Variants in KLHL14 observed in about 807,000 individuals in gnomAD.
KLHL14 encodes the protein kelch like family member 14, also known as kelch-like protein 14.
A neutral mutation model predicts 64.3 loss-of-function variants in KLHL14; 22 were observed. The observed-to-expected ratio is 0.34, with a 90% CI of 0.24 to 0.49. KLHL14 has a LOEUF of 0.49. Ranked by LOEUF, KLHL14 falls within the 20% of genes least tolerant of loss-of-function variation. KLHL14 has a pLI of 0.99. For missense variants in KLHL14, 661 were observed against 789.0 expected (o/e 0.84, Z 1.94); for synonymous variants, 322 against 333.4 (o/e 0.97, Z 0.37).
intron 7 of KLHL14, among the ~76,000 whole-genome samples, chr18:32,678,051 G>GTTT (rs1294190143): frequency 6.6e-6 from 1 of 152,132 alleles, no homozygotes; most frequent in Non-Finnish European, 1.5e-5. Context: ...AAGAATCAAG[G>GTTT]TTTAGAGTAG....
In KLHL14 at chr18:32,769,951, A is replaced by G; in HGVS notation, c.641T>C (p.Leu214Pro). The change falls in exon 2 of 9, where the codon CTG (leucine) becomes CCG (proline). Residue 214 changes from leucine (L) to proline (P), a missense_variant. Around this residue, in one of 2 missense-constraint regions of KLHL14, gnomAD observed 331 missense variants for 339.0 expected, o/e 0.98. Coordinates refer to ENST00000359358, the MANE Select transcript of KLHL14 (RefSeq NM_020805.3). ...LANKYLVEDV[L>P]LLNFEEMRAL... ...GCGCATCTCCTCGAAGTTGAGCAGC[A>G]GCACATCCTCCACCAGGTACTTGTT... is the stretch of plus-strand genomic sequence containing the variant. 6.2e-7 allele frequency: 1 copy of G among 1,614,210 alleles called. No individual in the cohort carries two copies. Among genetic ancestry groups the G allele is most frequent in the Non-Finnish European group, 8.5e-7 (1 of 1,180,042 alleles).
At chr18:32,741,188 C>T (rs763349895) in intron 3 of KLHL14, among the ~76,000 whole-genome samples, 13 of 152,128 alleles carry the variant, frequency 8.5e-5, no homozygotes, top group African/African-American at 2.4e-4. Context: ...ACTGTGCCCA[C>T]GAGGGGACTG....
intron 2 of KLHL14, among the ~76,000 whole-genome samples, chr18:32,760,363 T>C (rs112718354): frequency 1.9e-4 from 21 of 110,332 alleles, no homozygotes; most frequent in South Asian, 1.2e-3. Flanking sequence ...CACACACACA[T>C]ATACACACAC....
intron 3 of KLHL14, among the ~76,000 whole-genome samples, chr18:32,697,593 A>C (rs1167335794): frequency 6.6e-6 from 1 of 152,210 alleles, no homozygotes; most frequent in African/African-American, 2.4e-5. Context: ...TTTAAAAAAA[A>C]CAGAAGTCCA....
chr18:32,677,117 C>G, intron 8 of KLHL14, 56 bp downstream of exon 8: 1 of 1,549,026 alleles, frequency 6.5e-7, no homozygotes, highest in South Asian at 1.2e-5. Flanking sequence ...TGGAAGGATA[C>G]AGAAAACGTA....
chr18:32,729,237 G>A (rs182730558), intron 3 of KLHL14, among the ~76,000 whole-genome samples: 9 of 152,314 alleles, frequency 5.9e-5, no homozygotes, highest in Admixed American at 4.6e-4. Flanking sequence ...GAGATGGGGA[G>A]GGTGAGGATG....
At chr18:32,716,420 C>CTTTTT (rs60090148) in intron 3 of KLHL14, among the ~76,000 whole-genome samples, 6,412 of 147,346 alleles carry the variant, frequency 0.044, 389 homozygotes, top group African/African-American at 0.14. Flanking sequence ...GCTTGCTTGA[C>CTTTTT]TTTTTTTTTT....
At chr18:32,739,784 A>T (rs1207641173) in intron 3 of KLHL14, among the ~76,000 whole-genome samples, 1 of 152,114 alleles carries the variant, frequency 6.6e-6, no homozygotes, top group Admixed American at 6.6e-5. Context: ...ACTATGGAGA[A>T]TATGCTCCCT....
At chr18:32,757,627 G>A (rs2050288665) in intron 2 of KLHL14, among the ~76,000 whole-genome samples, 1 of 151,780 alleles carries the variant, frequency 6.6e-6, no homozygotes, top group Non-Finnish European at 1.5e-5. Flanking sequence ...TATTAACATT[G>A]CTTGAAAAAA....
intron 3 of KLHL14, among the ~76,000 whole-genome samples, chr18:32,712,283 C>T (rs1355918897): frequency 6.6e-6 from 1 of 152,150 alleles, no homozygotes; most frequent in African/African-American, 2.4e-5. Flanking sequence ...AACATCTGCT[C>T]CCTGATTTAC....
At chr18:32,700,190 C>T (rs1434380930) in intron 3 of KLHL14, among the ~76,000 whole-genome samples, 3 of 152,070 alleles carry the variant, frequency 2.0e-5, no homozygotes, top group Non-Finnish European at 2.9e-5. Context: ...CAAGAGATTG[C>T]AAAGGGCTGT....
rs1442650296 is a variant in KLHL14 at position 32,741,924 on chromosome 18, T to G, written c.1069+4A>C. The G allele has an allele frequency of 4.4e-6, 7 of 1,586,694 alleles. No homozygotes were observed. The Admixed American group carries it at 5.8e-5, about 13-fold the overall frequency. ...GTGAATAAATAAATAAATAATGCAC[T>G]CACTTGTGAGTATTTTCCATGTCTT... On this transcript the variant is annotated splice_donor_region_variant and intron_variant, in intron 3 of 8. Coordinates refer to ENST00000359358, the MANE Select transcript of KLHL14 (RefSeq NM_020805.3).
intron 3 of KLHL14, among the ~76,000 whole-genome samples, chr18:32,726,027 T>G (rs2050106235): frequency 6.6e-6 from 1 of 152,248 alleles, no homozygotes; most frequent in Admixed American, 6.5e-5. Flanking sequence ...ATCAGTATTG[T>G]CTCATTACCA....
intron 3 of KLHL14, chr18:32,737,706 C>T (rs919676686): frequency 3.3e-5 from 5 of 152,110 alleles, no homozygotes; most frequent in Non-Finnish European, 7.4e-5. Context: ...AAATGTCATC[C>T]GTGGGTCAGA....
chr18:32,739,871 T>C (rs1043880054), intron 3 of KLHL14, among the ~76,000 whole-genome samples: 2 of 152,204 alleles, frequency 1.3e-5, no homozygotes, highest in Admixed American at 1.3e-4. Flanking sequence ...ATTGATTGAC[T>C]GATGCCTCTA....
At chr18:32,710,140 T>G (rs529221223) in intron 3 of KLHL14, among the ~76,000 whole-genome samples, 2 of 152,234 alleles carry the variant, frequency 1.3e-5, no homozygotes, top group Non-Finnish European at 2.9e-5. Flanking sequence ...ATTGGATAAC[T>G]TATGTAAAGT....
chr18:32,726,345 C>T (rs2050107923), intron 3 of KLHL14, among the ~76,000 whole-genome samples: 1 of 152,090 alleles, frequency 6.6e-6, no homozygotes, highest in African/African-American at 2.4e-5. Context: ...TTTTCTTGGC[C>T]GGGTGCAGCG....
chr18:32,688,810 A>G (rs1598549406), intron 4 of KLHL14, among the ~76,000 whole-genome samples: 2 of 152,312 alleles, frequency 1.3e-5, no homozygotes, highest in East Asian at 3.9e-4. Flanking sequence ...TGGCTGCTGT[A>G]TAAAGAGTAG....
intron 3 of KLHL14, 48 bp from the exon 4 acceptor site, chr18:32,695,600 G>A (rs372248499): frequency 3.3e-6 from 4 of 1,227,168 alleles, no homozygotes; most frequent in African/African-American, 3.0e-5. Flanking sequence ...TCCATCTCAG[G>A]ATTTGCTACC....
Sources: allele counts gnomAD v4.1 joint callset (sites outside exome capture counted in the v4.1 genomes callset), GRCh38; gene constraint gnomAD v4.1.1; regional missense constraint gnomAD v4.1.1; transcripts MANE v1.5; gene names NCBI Gene and HGNC (gene_info 2026-07-23, HGNC 2026-07-21).